The following COL14A1 variants were observed in gnomAD, a reference collection of about 807,000 sequenced individuals.
The protein encoded by COL14A1 is collagen type XIV alpha 1 chain.
In COL14A1, 136 loss-of-function variants were observed where a neutral mutation model predicts 230.3. The observed-to-expected ratio is 0.59, with a 90% CI of 0.51 to 0.68. COL14A1 has a LOEUF of 0.68. Ranked by LOEUF, COL14A1 falls within the 30% of genes least tolerant of loss-of-function variation. The probability of loss-of-function intolerance (pLI) is 0.00; values close to 1 mark genes in which losing one functional copy is unlikely to be tolerated. For missense variants in COL14A1, 1,976 were observed against 2,215.8 expected, an observed-to-expected ratio of 0.89 and a Z score of 2.17; for synonymous variants, 792 against 784.1, an observed-to-expected ratio of 1.01 and a Z score of -0.17.
At chr8:120,291,571 A>C (rs1443859833) in intron 34 of COL14A1, among the ~76,000 whole-genome samples, 3 of 151,094 alleles carry the variant, frequency 2.0e-5, no homozygotes, top group Non-Finnish European at 4.4e-5. Flanking sequence ...AAAAAAAAAA[A>C]AAAAAAAAAA....
rs758119641 is a variant in COL14A1 at position 120,369,373 on chromosome 8, C to T, written c.5199C>T (p.Gly1733=). The T allele has an allele frequency of 2.4e-5, 39 of 1,603,592 alleles. No individual in the cohort carries two copies. The highest frequency in any genetic ancestry group is 3.3e-5 in the Non-Finnish European group (39 of 1,174,922). The part of the protein sequence containing the change: ...ESRPGSPGPP[G]SPGPRGPPGH... ...GGCCTGGCAGCCCTGGGCCCCCTGG[C>T]TCTCCTGGACCAAGAGGCCCACCAG... is the stretch of plus-strand genomic sequence containing the variant. Residue 1733 remains glycine, a synonymous_variant, in exon 47 of 48, where the codon GGC becomes GGT. Transcript: ENST00000297848.
intron 21 of COL14A1, 98 bp downstream of exon 21, chr8:120,247,833 T>C (rs989271378): frequency 7.0e-7 from 1 of 1,434,846 alleles, no homozygotes; most frequent in African/African-American, 1.4e-5. Context: ...TGTTTGGTTG[T>C]ATTTTTTTAA....
intron 20 of COL14A1, among the ~76,000 whole-genome samples, chr8:120,245,793 C>CT (rs1436313008): frequency 1.3e-5 from 2 of 152,270 alleles, no homozygotes; most frequent in East Asian, 3.9e-4. Flanking sequence ...AGTCTCAGAG[C>CT]TTCTCCATGT....
At chr8:120,142,283 G>C (rs918602284) in intron 1 of COL14A1, among the ~76,000 whole-genome samples, 1 of 152,180 alleles carries the variant, frequency 6.6e-6, no homozygotes, top group African/African-American at 2.4e-5. Flanking sequence ...GTTTTGATTT[G>C]ATAGGGCTGA....
At chr8:120,309,902 C>T (rs1820975708) in intron 36 of COL14A1, 107 bp from the exon 37 acceptor site, 2 of 1,050,700 alleles carry the variant, frequency 1.9e-6, no homozygotes, top group Admixed American at 3.7e-5. Context: ...AGTGTGTTGG[C>T]CTTTACATAA....
At chr8:120,314,094 G>T (rs1337260113) in intron 38 of COL14A1, 67 bp downstream of exon 38, 5 of 1,178,282 alleles carry the variant, frequency 4.2e-6, no homozygotes. Context: ...TACAAAGAAT[G>T]AACTTTTGTC....
chr8:120,290,388 C>T (rs1011562188), intron 34 of COL14A1, among the ~76,000 whole-genome samples: 7 of 112,948 alleles, frequency 6.2e-5, no homozygotes, highest in Non-Finnish European at 8.9e-5. Context: ...TCCCATCACT[C>T]ATTACCCACA....
chr8:120,278,389 A>G (rs1183620734), intron 27 of COL14A1, 46 bp from the exon 28 acceptor site: 2 of 1,581,650 alleles, frequency 1.3e-6, no homozygotes, highest in Non-Finnish European at 1.7e-6. Context: ...CAGAAAAACA[A>G]AAATGGGAGG....
chr8:120,328,849 C>G (rs553414311), intron 40 of COL14A1, among the ~76,000 whole-genome samples: 3 of 152,282 alleles, frequency 2.0e-5, no homozygotes, highest in South Asian at 4.2e-4. Flanking sequence ...AGATTCCCCT[C>G]ACTTGTTTTT....
intron 3 of COL14A1, among the ~76,000 whole-genome samples, chr8:120,161,543 T>C (rs1236910137): frequency 6.6e-6 from 1 of 152,212 alleles, no homozygotes; most frequent in Non-Finnish European, 1.5e-5. Flanking sequence ...CCTCAGCCAT[T>C]TGTGGTCAGA....
At chr8:120,369,798 G>A (rs1823526921) in intron 47 of COL14A1, among the ~76,000 whole-genome samples, 1 of 152,172 alleles carries the variant, frequency 6.6e-6, no homozygotes, top group South Asian at 2.1e-4. Context: ...GGACATGGTT[G>A]AACATTCTTT....
chr8:120,253,882 C>T lies in COL14A1; in HGVS notation c.2753-1358C>T, dbSNP rs185653328. Among the ~76,000 whole-genome samples the T allele has an allele frequency of 1.5e-4, 23 of 152,298 alleles. 1 individual carries two copies. In the East Asian group the frequency reaches 3.3e-3, roughly 22 times the overall value. ...GAGGTTGAAGTGAGCTGAGATTGTG[C>T]CACTGCACTCCAGCCAGGGTGACAA... On this transcript the variant is annotated intron_variant, in intron 22 of 47. Coordinates refer to ENST00000297848, the MANE Select transcript of COL14A1 (RefSeq NM_021110.4).
chr8:120,202,129 T>C (rs1817269383), intron 8 of COL14A1, among the ~76,000 whole-genome samples: 1 of 152,190 alleles, frequency 6.6e-6, no homozygotes, highest in African/African-American at 2.4e-5. Flanking sequence ...ATAAAGGAAA[T>C]CTCTGCCAAA....
At chr8:120,329,543 G>A (rs1041220201) in intron 40 of COL14A1, among the ~76,000 whole-genome samples, 3 of 152,126 alleles carry the variant, frequency 2.0e-5, no homozygotes, top group Admixed American at 6.5e-5. Flanking sequence ...GGAGGTCAAG[G>A]CTGAGGTGAG....
intron 40 of COL14A1, among the ~76,000 whole-genome samples, chr8:120,320,674 T>C (rs1586860836): frequency 1.3e-5 from 2 of 152,332 alleles, no homozygotes; most frequent in South Asian, 4.1e-4. Context: ...AGAGGATGTG[T>C]AAATACCATC....
chr8:120,166,205 A>C (rs574173188), intron 4 of COL14A1, among the ~76,000 whole-genome samples: 2 of 152,298 alleles, frequency 1.3e-5, no homozygotes, highest in East Asian at 3.9e-4. Flanking sequence ...TAGACTTTGA[A>C]AGATGGGCAG....
chr8:120,135,835 C>G (rs1214150344), intron 1 of COL14A1, among the ~76,000 whole-genome samples: 1 of 151,770 alleles, frequency 6.6e-6, no homozygotes, highest in African/African-American at 2.4e-5. Context: ...CCTTGCATGT[C>G]ATATTAATTT....
At chr8:120,297,834 A>G (rs531579270) in intron 35 of COL14A1, among the ~76,000 whole-genome samples, 4 of 152,104 alleles carry the variant, frequency 2.6e-5, no homozygotes, top group African/African-American at 7.2e-5. Context: ...CCCAGATTCC[A>G]TGGCTCATGA....
At chr8:120,204,027 A>G (rs777169371) in intron 9 of COL14A1, among the ~76,000 whole-genome samples, 157 bp downstream of exon 9, 1 of 152,154 alleles carries the variant, frequency 6.6e-6, no homozygotes, top group Non-Finnish European at 1.5e-5. Flanking sequence ...GGAGTATATT[A>G]GCAGGCTTTG....
Sources: gnomAD v4.1 joint callset for allele counts (sites outside exome capture counted in the v4.1 genomes callset) on GRCh38, gnomAD v4.1.1 for gene constraint, MANE v1.5 for transcripts, NCBI Gene and HGNC (gene_info 2026-07-23, HGNC 2026-07-21) for gene names.